NRXN1: variants seen among roughly 807,000 people sequenced by gnomAD.
NRXN1 encodes neurexin-1.
Under a neutral mutation model 150.9 loss-of-function variants are expected in NRXN1, and 39 were observed. The ratio of observed to expected loss-of-function variants is 0.26; its 90% CI spans 0.20 to 0.34. The LOEUF is 0.34. NRXN1 is among the 10% of genes least tolerant of loss of function. The probability of loss-of-function intolerance (pLI) is 1.00; values close to 1 mark genes in which losing one functional copy is unlikely to be tolerated. For missense variants in NRXN1, 1,815 were observed against 1,949.9 expected (o/e 0.93, Z 1.30); for synonymous variants, 924 against 757.0 (o/e 1.22, Z -3.62).
intron 5 of NRXN1, among the ~76,000 whole-genome samples, chr2:50,845,955 A>C (rs1187752740): frequency 2.0e-5 from 3 of 152,220 alleles, no homozygotes; most frequent in Admixed American, 6.5e-5. Flanking sequence ...GTTAGCTTGC[A>C]ATCAACTGCT....
At chr2:50,633,743 T>G (rs1038134153) in intron 5 of NRXN1, among the ~76,000 whole-genome samples, 1 of 152,020 alleles carries the variant, frequency 6.6e-6, no homozygotes, top group Non-Finnish European at 1.5e-5. Context: ...AATCCCCTAT[T>G]CTAGATATTA....
intron 19 of NRXN1, among the ~76,000 whole-genome samples, chr2:50,070,545 C>T (rs1339314869): frequency 1.3e-4 from 20 of 151,702 alleles, no homozygotes; most frequent in African/African-American, 4.6e-4. Flanking sequence ...CCGAGGCGGG[C>T]GGATCACAAG....
intron 21 of NRXN1, among the ~76,000 whole-genome samples, chr2:50,045,121 T>G (rs1691608509): frequency 6.6e-6 from 1 of 151,904 alleles, no homozygotes. Flanking sequence ...ATGGTGTTAA[T>G]GTATTTTTTA....
intron 5 of NRXN1, among the ~76,000 whole-genome samples, chr2:50,838,686 C>A (rs1672433285): frequency 6.6e-6 from 1 of 151,990 alleles, no homozygotes; most frequent in Admixed American, 6.6e-5. Flanking sequence ...GGCTGTATGA[C>A]TAGAGTGACG....
At chr2:50,004,098 T>C (rs943700792) in intron 21 of NRXN1, among the ~76,000 whole-genome samples, 5 of 151,968 alleles carry the variant, frequency 3.3e-5, no homozygotes, top group African/African-American at 1.2e-4. Context: ...TTTACATTGG[T>C]GGGGTGGCAG....
In NRXN1 at chr2:50,551,057, GAAGAA is replaced by G. The variant is rs2105334714; in HGVS notation, c.1759+1525_1759+1529del. On this transcript the variant is annotated intron_variant, in intron 9 of 22. Transcript: ENST00000401669. Reference sequence around the variant, plus strand: ...GGAAGAGGAAGAGGAAGAGGAAGAAGAAGAAGAAGAAGAAGAAGAGGAGGAGGAGG... The same window carrying G: ...GGAAGAGGAAGAGGAAGAGGAAGAAGGAAGAAGAAGAAGAGGAGGAGGAGG... 1.6e-5 allele frequency among the ~76,000 whole-genome samples: 2 copies of G among 121,440 alleles called. 1 individual carries two copies. Among genetic ancestry groups the G allele is most frequent in the African/African-American group, 6.7e-5 (2 of 29,640 alleles). The allele number at this position is 121,440 out of a possible 152,430, so 79.7% of individuals were successfully genotyped here. A position where few individuals can be genotyped will look rare whatever the true frequency, so the allele number is the denominator to read the frequency against.
At chr2:50,212,752 T>C (rs1329429058) in intron 18 of NRXN1, among the ~76,000 whole-genome samples, 1 of 151,868 alleles carries the variant, frequency 6.6e-6, no homozygotes, top group Non-Finnish European at 1.5e-5. Context: ...TAAGATGCCT[T>C]TGTCAATCAC....
At chr2:50,313,378 T>C (rs977254775) in intron 17 of NRXN1, among the ~76,000 whole-genome samples, 2 of 152,130 alleles carry the variant, frequency 1.3e-5, no homozygotes, top group East Asian at 1.9e-4. Flanking sequence ...AGTTTATTTA[T>C]GCATTTATGA....
intron 2 of NRXN1, among the ~76,000 whole-genome samples, chr2:50,944,791 C>T (rs530950773): frequency 7.9e-5 from 12 of 152,298 alleles, no homozygotes; most frequent in African/African-American, 2.9e-4. Context: ...TTGATTAAAG[C>T]CTCTAGCAGC....
intron 18 of NRXN1, among the ~76,000 whole-genome samples, chr2:50,134,303 A>C (rs1318851684): frequency 4.6e-5 from 7 of 151,068 alleles, no homozygotes; most frequent in Non-Finnish European, 7.4e-5. Context: ...GAGAACACTA[A>C]GCAAACAGGT....
chr2:50,906,614 T>C (rs13026291), intron 5 of NRXN1, among the ~76,000 whole-genome samples: 10 of 152,230 alleles, frequency 6.6e-5, no homozygotes, highest in African/African-American at 2.2e-4. Context: ...ACAACCAATC[T>C]GATCCTGTTC....
chr2:50,947,939 G>C (rs959607725), intron 2 of NRXN1, among the ~76,000 whole-genome samples: 1 of 151,906 alleles, frequency 6.6e-6, no homozygotes, highest in East Asian at 1.9e-4. Flanking sequence ...TATTCAGACA[G>C]ATAATATGGT....
Position 50,495,939 on chromosome 2 carries a change from T to G in NRXN1, c.3036A>C (p.Gln1012His). ...CTAAGTTCCTGGCTCCGGCGGTGATTTGCGTTGTGATTTTTGTGTCAATCT... is the reference window on the plus strand; with the variant it reads ...CTAAGTTCCTGGCTCCGGCGGTGATGTGCGTTGTGATTTTTGTGTCAATCT... ...TVKIDTKITT[Q>H]ITAGARNLDL... The change falls in exon 15 of 23, where the codon CAA becomes CAC. Residue 1012 changes from glutamine (Q) to histidine (H), a missense_variant. Gln to His is a conservative substitution (Grantham distance 24, BLOSUM62 0). Transcript: ENST00000401669. 2 of 1,610,530 alleles carry G rather than the reference T, an allele frequency of 1.2e-6. No individual in the cohort carries two copies. Among genetic ancestry groups the G allele is most frequent in the Non-Finnish European group, 1.7e-6 (2 of 1,178,116 alleles).
At chr2:50,532,574 T>C (rs1345865478) in intron 10 of NRXN1, among the ~76,000 whole-genome samples, 1 of 152,114 alleles carries the variant, frequency 6.6e-6, no homozygotes, top group Non-Finnish European at 1.5e-5. Flanking sequence ...ACTTTAAATA[T>C]TATCTATAAG....
At chr2:50,100,994 A>G (rs1700906987) in intron 18 of NRXN1, among the ~76,000 whole-genome samples, 4 of 152,076 alleles carry the variant, frequency 2.6e-5, no homozygotes, top group Admixed American at 2.6e-4. Context: ...GCATCATAAC[A>G]AATACTTTAG....
chr2:50,410,766 G>T (rs1375124783), intron 17 of NRXN1, among the ~76,000 whole-genome samples: 2 of 152,238 alleles, frequency 1.3e-5, no homozygotes, highest in African/African-American at 2.4e-5. Flanking sequence ...AGTATAGATG[G>T]CACAGACTAT....
intron 8 of NRXN1, among the ~76,000 whole-genome samples, chr2:50,617,614 G>T (rs2104202501): frequency 6.6e-6 from 1 of 152,278 alleles, no homozygotes; most frequent in African/African-American, 2.4e-5. Flanking sequence ...GAGTTGGAAA[G>T]TGTCCAATCA....
intron 17 of NRXN1, among the ~76,000 whole-genome samples, chr2:50,439,466 G>A (rs998691271): frequency 1.3e-5 from 2 of 152,114 alleles, no homozygotes; most frequent in African/African-American, 4.8e-5. Flanking sequence ...TCTGACAGAC[G>A]CAGAGAGCCT....
intron 17 of NRXN1, among the ~76,000 whole-genome samples, chr2:50,296,040 T>C (rs1435384336): frequency 1.3e-5 from 2 of 152,234 alleles, no homozygotes; most frequent in Non-Finnish European, 2.9e-5. Flanking sequence ...TTACTCCAGA[T>C]GTGCAGACTA....
Sources: gnomAD v4.1 joint callset for allele counts (sites outside exome capture counted in the v4.1 genomes callset) on GRCh38, gnomAD v4.1.1 for gene constraint, MANE v1.5 for transcripts, NCBI Gene and HGNC (gene_info 2026-07-23, HGNC 2026-07-21) for gene names.